Variants in PPFIBP2 observed in about 807,000 individuals in gnomAD.
The protein encoded by PPFIBP2 is PPFIB scaffold protein 2, also known as liprin-beta-2.
PPFIBP2 carries 118 observed loss-of-function variants against 118.3 expected under a neutral mutation model. The observed-to-expected ratio is 1.00, with a 90% CI of 0.86 to 1.16. The LOEUF is 1.16. Among genes scored for constraint, PPFIBP2 ranks in the 50% most tolerant of loss-of-function variants. The probability of loss-of-function intolerance (pLI) is 0.00; values close to 1 mark genes in which losing one functional copy is unlikely to be tolerated. For missense variants in PPFIBP2, 1,195 were observed against 1,073.1 expected (o/e 1.11, Z -1.59); for synonymous variants, 414 against 397.4 (o/e 1.04, Z -0.50).
chr11:7,631,138 A>G (rs996411345), intron 11 of PPFIBP2, 110 bp downstream of exon 11: 1 of 805,468 alleles, frequency 1.2e-6, no homozygotes, highest in Non-Finnish European at 2.1e-6. Context: ...TTGGCAGGTG[A>G]ATACTTAAAT....
rs754294173 is a variant in PPFIBP2, at chr11:7,594,278, T to TTG, written c.372+1055_372+1056insGT. ...TCGGCCTTTTTTCCAGTGTTGTTGGTTTTTTTTCTTTTGCCTCTATTGTAA... is the reference window on the plus strand; with the variant it reads ...TCGGCCTTTTTTCCAGTGTTGTTGGTTGTTTTTTTCTTTTGCCTCTATTGTAA... On this transcript the variant is annotated intron_variant, in intron 4 of 23. Coordinates refer to ENST00000299492, the MANE Select transcript of PPFIBP2 (RefSeq NM_003621.5). Among the ~76,000 whole-genome samples, 193 of 150,214 alleles carry TTG rather than the reference T, an allele frequency of 1.3e-3. 2 individuals carry two copies. Among genetic ancestry groups the TTG allele is most frequent in the Non-Finnish European group, 2.1e-3 (140 of 67,336 alleles).
At chr11:7,540,252 G>A (rs1041907988) in intron 1 of PPFIBP2, among the ~76,000 whole-genome samples, 3 of 152,128 alleles carry the variant, frequency 2.0e-5, no homozygotes, top group African/African-American at 7.2e-5. Context: ...GAGGGGTGTG[G>A]GGGGGCGGTG....
At chr11:7,555,488 C>T (rs1030466362) in intron 2 of PPFIBP2, among the ~76,000 whole-genome samples, 5 of 152,178 alleles carry the variant, frequency 3.3e-5, no homozygotes, top group African/African-American at 1.2e-4. Flanking sequence ...CTGTTGAGTC[C>T]ATACTCTGAA....
chr11:7,560,470 T>C (rs1010598506), intron 2 of PPFIBP2, among the ~76,000 whole-genome samples: 2 of 152,264 alleles, frequency 1.3e-5, no homozygotes, highest in Admixed American at 6.5e-5. Context: ...CCCATGTTAC[T>C]GAGTCTTTAG....
At chr11:7,586,948 TATTCATTTTCTG>T (rs1354353678) in intron 3 of PPFIBP2, among the ~76,000 whole-genome samples, 3 of 152,264 alleles carry the variant, frequency 2.0e-5, no homozygotes, top group South Asian at 2.1e-4. Flanking sequence ...ACCCTTCATT[TATTCATTTTCTG>T]ATTCATTTTC....
rs775128651 is a variant in PPFIBP2, at chr11:7,651,859, CTTT to C, written c.2436+16_2436+18del. On this transcript the variant is annotated intron_variant, in intron 23 of 23. Transcript: ENST00000299492. The stretch of plus-strand genomic sequence containing the variant: ...CCAAAGTCCGGGTGAGTTGCAGAGC[CTTT>C]CTGGGTGGGCCCTGGGCTGCCTCCT... The C allele has an allele frequency of 5.0e-6, 8 of 1,601,124 alleles. No homozygotes were observed. In the South Asian group the frequency reaches 8.8e-5, roughly 18 times the overall value.
Position 7,617,190 on chromosome 11 carries a change from C to T in PPFIBP2, c.619-3745C>T, listed in dbSNP as rs367650857. Reference sequence around the variant, plus strand: ...GGACATCCACAGGCAGATTCAAGAGCGCCTGTTACTCAGTAGGGACCACCC... The same window carrying T: ...GGACATCCACAGGCAGATTCAAGAGTGCCTGTTACTCAGTAGGGACCACCC... On this transcript the variant is annotated intron_variant, in intron 6 of 23. Transcript: ENST00000299492. 49 of 985,374 alleles carry T rather than the reference C, an allele frequency of 5.0e-5. No individual in the cohort carries two copies. The Middle Eastern group carries it at 1.6e-3, about 32-fold the overall frequency. 61.0% of individuals were successfully genotyped at this position (985,374 alleles called of 1,614,324 possible).
chr11:7,567,359 G>A (rs1459243440), intron 3 of PPFIBP2, among the ~76,000 whole-genome samples: 1 of 152,148 alleles, frequency 6.6e-6, no homozygotes, highest in African/African-American at 2.4e-5. Context: ...CATTGTTGTT[G>A]GTTTTTTCAA....
chr11:7,649,223 A>G lies in PPFIBP2; in HGVS notation c.1986A>G (p.Gln662=). 1.2e-6 allele frequency: 2 copies of G among 1,613,450 alleles called. No homozygotes were observed. The highest frequency in any genetic ancestry group is 1.7e-6 in the Non-Finnish European group (2 of 1,179,370). The change falls in exon 20 of 24, where the codon CAA becomes CAG. Residue 662 remains glutamine, a synonymous_variant. Transcript: ENST00000299492. ...CTAGAGTTGACAGACGAATGCTGCA[A>G]TACCTAACTGTGGTGAGGACTTTTT... ...HESRVDRRML[Q]YLTVNDLLFL... is the part of the protein sequence containing the mutation.
chr11:7,564,261 A>G (rs759503717), intron 2 of PPFIBP2, among the ~76,000 whole-genome samples: 1 of 151,830 alleles, frequency 6.6e-6, no homozygotes, highest in African/African-American at 2.4e-5. Context: ...ACATTGAAGC[A>G]CTCTCTCTCT....
chr11:7,574,362 T>C (rs1264866389), intron 3 of PPFIBP2, among the ~76,000 whole-genome samples: 2 of 151,986 alleles, frequency 1.3e-5, no homozygotes, highest in African/African-American at 4.8e-5. Flanking sequence ...ACAGGAGCAG[T>C]ATAATGGGAG....
At chr11:7,517,827 C>T (rs1348808106) in intron 1 of PPFIBP2, among the ~76,000 whole-genome samples, 2 of 152,164 alleles carry the variant, frequency 1.3e-5, no homozygotes, top group African/African-American at 4.8e-5. Context: ...CAGTCTTCAG[C>T]GGCAAGGCAA....
intron 17 of PPFIBP2, among the ~76,000 whole-genome samples, chr11:7,647,453 C>T (rs1037580821): frequency 6.6e-6 from 1 of 152,146 alleles, no homozygotes; most frequent in African/African-American, 2.4e-5. Context: ...GCTCAGTTGA[C>T]TGCTGCAGTC....
intron 10 of PPFIBP2, 141 bp downstream of exon 10, chr11:7,629,675 T>C: frequency 1.3e-6 from 1 of 780,908 alleles, no homozygotes; most frequent in Non-Finnish European, 2.1e-6. Context: ...GTTTAGACTT[T>C]TCTGCATGAT....
chr11:7,665,794 A>T, the PPFIBP2 span: 1 of 1,492,258 alleles, frequency 6.7e-7, no homozygotes. Context: ...AGCTGTCAGC[A>T]TTGACGAGGA....
intron 1 of PPFIBP2, among the ~76,000 whole-genome samples, 181 bp from the exon 2 acceptor site, chr11:7,549,259 C>G (rs557678963): frequency 1.3e-5 from 2 of 152,114 alleles, no homozygotes; most frequent in African/African-American, 4.8e-5. Context: ...GCTAAAGATT[C>G]ATGGAAAAAG....
Position 7,635,598 on chromosome 11 carries a change from A to G in PPFIBP2, c.1236+5A>G, listed in dbSNP as rs369581381. ...TTCCCGGTGTTAGAACCCAAGGTACATTGACTTCGTGCCCCGTCGTCTATT... is the reference window on the plus strand; with the variant it reads ...TTCCCGGTGTTAGAACCCAAGGTACGTTGACTTCGTGCCCCGTCGTCTATT... On this transcript the variant is annotated splice_donor_5th_base_variant and intron_variant, in intron 14 of 23. Transcript: ENST00000299492. 43 of 1,604,838 alleles carry G rather than the reference A, an allele frequency of 2.7e-5. No homozygotes were observed. Among genetic ancestry groups the G allele is most frequent in the Non-Finnish European group, 3.6e-5 (42 of 1,171,544 alleles).
chr11:7,628,300 G>A lies in PPFIBP2; in HGVS notation c.842G>A (p.Arg281His), dbSNP rs111709242. The change falls in exon 9 of 24, where the codon CGT becomes CAT. Residue 281 changes from arginine (R) to histidine (H), a missense_variant. Coordinates refer to ENST00000299492, the MANE Select transcript of PPFIBP2 (RefSeq NM_003621.5). ...SHTERDQEIQRLKMGMETLLL... is the reference protein window; with the variant it reads ...SHTERDQEIQHLKMGMETLLL... ...ATTCTTTTAGACCAAGAAATTCAAC[G>A]TCTGAAAATGGGGATGGAAACTTTG... 3,299 of 1,613,702 alleles carry A rather than the reference G, an allele frequency of 2.0e-3. 69 individuals are homozygous for A. In the African/African-American group the frequency reaches 0.038, roughly 19 times the overall value.
At chr11:7,663,929 CCTTT>C in the PPFIBP2 span, among the ~76,000 whole-genome samples, 2 of 152,286 alleles carry the variant, frequency 1.3e-5, no homozygotes, top group South Asian at 4.1e-4. Flanking sequence ...GTCCGTCACC[CCTTT>C]CTTTGACTCG....
Sources: gnomAD v4.1 joint callset for allele counts (sites outside exome capture counted in the v4.1 genomes callset) on GRCh38, gnomAD v4.1.1 for gene constraint, MANE v1.5 for transcripts, NCBI Gene and HGNC (gene_info 2026-07-23, HGNC 2026-07-21) for gene names.